Variants in ASPSCR1 observed in about 807,000 individuals in gnomAD.
ASPSCR1 encodes the protein tether containing UBX domain for GLUT4.
Under a neutral mutation model 68.9 loss-of-function variants are expected in ASPSCR1, and 55 were observed. The ratio of observed to expected loss-of-function variants is 0.80; its 90% CI spans 0.64 to 1.00. ASPSCR1 has a LOEUF of 1.00. Ranked by LOEUF, ASPSCR1 falls within the 50% of genes least tolerant of loss-of-function variation. ASPSCR1 has a pLI of 0.00. For synonymous variants in ASPSCR1, 352 were observed against 332.6 expected (o/e 1.06, Z -0.63); for missense variants, 765 against 762.2 (o/e 1.00, Z -0.04).
chr17:82,011,609 C>G lies in ASPSCR1; in HGVS notation c.1300+4C>G. ...CCCGAGCTGTCATTTTACCTGTGTA[C>G]GTTTTTTCTCCTGAGCCCACTCCTG... On this transcript the variant is annotated splice_donor_region_variant and intron_variant, in intron 11 of 15. Transcript: ENST00000306739. 3 of 1,602,032 alleles carry G rather than the reference C, an allele frequency of 1.9e-6. No homozygotes were observed. Among genetic ancestry groups the G allele is most frequent in the Non-Finnish European group, 2.6e-6 (3 of 1,175,792 alleles).
Position 81,987,541 on chromosome 17 carries a change from G to A in ASPSCR1, c.374+1934G>A, listed in dbSNP as rs1281408153. Among the ~76,000 whole-genome samples the A allele has an allele frequency of 6.6e-6, 1 of 152,230 alleles. No homozygotes were observed. The highest frequency in any genetic ancestry group is 2.4e-5 in the African/African-American group (1 of 41,464). ...CTGGCTGTGCTGTCAGTCCTCAGAT[G>A]GGGATGGAGGTAAGGAAATGGCCCA... On this transcript the variant is annotated intron_variant, in intron 4 of 15. Transcript: ENST00000306739. This position sits in a 1 kb window ranked among gnomAD's most constrained non-coding sequence, Gnocchi z 5.6.
Position 81,985,498 on chromosome 17 carries a change from A to G in ASPSCR1, c.274-9A>G, listed in dbSNP as rs772345307. ...CCTAAGGAAGTTTCTCATGTCTTAT[A>G]CCCTCCAGGTTCGCATCGCTTTGCA... On this transcript the variant is annotated splice_polypyrimidine_tract_variant and intron_variant, in intron 3 of 15. Coordinates refer to ENST00000306739, the MANE Select transcript of ASPSCR1 (RefSeq NM_024083.4). 6 of 1,613,370 alleles carry G rather than the reference A, an allele frequency of 3.7e-6. No individual in the cohort carries two copies. The highest frequency in any genetic ancestry group is 1.7e-5 in the Admixed American group (1 of 60,004).
chr17:81,999,479 T>G lies in ASPSCR1; in HGVS notation c.933+2633T>G, dbSNP rs968012967. Among the ~76,000 whole-genome samples the G allele has an allele frequency of 2.0e-5, 3 of 152,016 alleles. No individual in the cohort carries two copies. The highest frequency in any genetic ancestry group is 2.9e-5 in the Non-Finnish European group (2 of 68,008). On this transcript the variant is annotated intron_variant, in intron 7 of 15. Coordinates refer to ENST00000306739, the MANE Select transcript of ASPSCR1 (RefSeq NM_024083.4). The surrounding 1 kb of genome is among the most constrained non-coding windows in gnomAD (Gnocchi z 4.4). ...CTGTCTCTACCAAAAATACAAAAAT[T>G]AGCTGGGTGTGGTGGCAGGTGCCTG...
chr17:82,009,915 CTTT>C (rs36093868), intron 9 of ASPSCR1: 38 of 200,218 alleles, frequency 1.9e-4, no homozygotes, highest in South Asian at 3.4e-4. Flanking sequence ...AGAATGAAAC[CTTT>C]TTTTTTTTTT....
chr17:82,003,321 G>T (rs1411984079), intron 7 of ASPSCR1, among the ~76,000 whole-genome samples: 7 of 152,188 alleles, frequency 4.6e-5, no homozygotes, highest in African/African-American at 1.7e-4. Context: ...GATGGTGTGT[G>T]CCTGTAGCCC....
At chr17:81,984,614 C>T (rs1340558290) in intron 3 of ASPSCR1, among the ~76,000 whole-genome samples, 2 of 151,630 alleles carry the variant, frequency 1.3e-5, no homozygotes, top group East Asian at 3.9e-4. Context: ...CATTTACCAT[C>T]TCATGTGGCT....
chr17:82,005,393 GGGTCGGCA>G (rs1192415690), intron 7 of ASPSCR1: 1 of 152,200 alleles, frequency 6.6e-6, no homozygotes, highest in Non-Finnish European at 1.5e-5. Context: ...TGTGCCCCGT[GGGTCGGCA>G]GGTCTCGTGA....
chr17:81,992,251 G>T (rs1056709565), intron 4 of ASPSCR1, among the ~76,000 whole-genome samples: 2 of 152,214 alleles, frequency 1.3e-5, no homozygotes, highest in Admixed American at 1.3e-4. Context: ...GGGAGGGGGA[G>T]TAGGGGCTGT....
At chr17:82,017,214 C>G (rs1307709343) in intron 15 of ASPSCR1, 95 bp from the exon 16 acceptor site, 37 of 1,589,608 alleles carry the variant, frequency 2.3e-5, no homozygotes, top group Non-Finnish European at 2.8e-5. Context: ...GGTGCTGTGG[C>G]CGGCAGGGCC....
intron 12 of ASPSCR1, chr17:82,013,136 C>A (rs2043005601): frequency 6.6e-6 from 1 of 152,186 alleles, no homozygotes; most frequent in Non-Finnish European, 1.5e-5. Flanking sequence ...TGATCAGGAG[C>A]AGGACTGAGC....
chr17:81,985,040 CCT>C (rs2041939820), intron 3 of ASPSCR1, among the ~76,000 whole-genome samples: 1 of 127,346 alleles, frequency 7.9e-6, no homozygotes, highest in African/African-American at 3.2e-5. Flanking sequence ...CATGCACACA[CCT>C]CCCCCCCACA....
At chr17:82,010,948 A>G in intron 10 of ASPSCR1, 80 bp downstream of exon 10, 2 of 1,524,794 alleles carry the variant, frequency 1.3e-6, no homozygotes, top group African/African-American at 1.4e-5. Context: ...TCCAGGCCAC[A>G]GGACTGCAGC....
Position 82,012,214 on chromosome 17 carries a change from G to T in ASPSCR1, c.1301-17G>T. ...GTCCACGGTGCTTCCTAACACGTAG[G>T]TGCCTTCTCTCCTCAGTCATCACCC... On this transcript the variant is annotated splice_polypyrimidine_tract_variant and intron_variant, in intron 11 of 15. Transcript: ENST00000306739. 1 of 1,612,768 alleles carries T rather than the reference G, an allele frequency of 6.2e-7. No individual in the cohort carries two copies. The highest frequency in any genetic ancestry group is 8.5e-7 in the Non-Finnish European group (1 of 1,179,180).
At position 81,999,445 on chromosome 17, in the gene ASPSCR1, G is replaced by T. The variant is rs1428124616; in HGVS notation, c.933+2599G>T. ...AGTTTGAGACCAGCCTGGACAACAT[G>T]GCAAAACCCTGTCTCTACCAAAAAT... On this transcript the variant is annotated intron_variant, in intron 7 of 15. Coordinates refer to ENST00000306739, the MANE Select transcript of ASPSCR1 (RefSeq NM_024083.4). The surrounding 1 kb of genome is among the most constrained non-coding windows in gnomAD (Gnocchi z 4.4). Among the ~76,000 whole-genome samples, 1 of 152,138 alleles carries T rather than the reference G, an allele frequency of 6.6e-6. No homozygotes were observed. Among genetic ancestry groups the T allele is most frequent in the Non-Finnish European group, 1.5e-5 (1 of 68,018 alleles).
chr17:81,987,438 T>TGGGCCGGGCGGTGCCCCC lies in ASPSCR1; in HGVS notation c.374+1836_374+1853dup, dbSNP rs1356228530. Among the ~76,000 whole-genome samples, 1 of 152,196 alleles carries TGGGCCGGGCGGTGCCCCC rather than the reference T, an allele frequency of 6.6e-6. No individual in the cohort carries two copies. Among genetic ancestry groups the TGGGCCGGGCGGTGCCCCC allele is most frequent in the Admixed American group, 6.5e-5 (1 of 15,286 alleles). On this transcript the variant is annotated intron_variant, in intron 4 of 15. Transcript: ENST00000306739. The surrounding 1 kb of genome is among the most constrained non-coding windows in gnomAD (Gnocchi z 5.6). The stretch of plus-strand genomic sequence containing the variant: ...ATGAACGTCTGGAAGGAAATGCCCC[T>TGGGCCGGGCGGTGCCCCC]GGGCCGGGCGGTGCCCCCGGGCGTG...
At chr17:81,993,738 G>A (rs1011176120) in intron 4 of ASPSCR1, among the ~76,000 whole-genome samples, 1 of 152,266 alleles carries the variant, frequency 6.6e-6, no homozygotes, top group African/African-American at 2.4e-5. Context: ...GAGGGTTGCT[G>A]CAAGCAGTTT....
At chr17:82,015,409 G>C in intron 12 of ASPSCR1, 1 of 1,548,466 alleles carries the variant, frequency 6.5e-7, no homozygotes, top group Non-Finnish European at 8.7e-7. Context: ...AGGGAGCCCA[G>C]GTGCCCCAGG....
rs1044827758 is a variant in ASPSCR1 at position 81,980,702 on chromosome 17, C to T, written c.158+1463C>T. Among the ~76,000 whole-genome samples the T allele has an allele frequency of 3.9e-5, 6 of 152,278 alleles. No homozygotes were observed. In the East Asian group the frequency reaches 5.8e-4, roughly 15 times the overall value. ...GGAAGAATAAGACAGGGATTTACAC[C>T]GAATGGGGTGGCTGATACAGACGTA... On this transcript the variant is annotated intron_variant, in intron 2 of 15. Coordinates refer to ENST00000306739, the MANE Select transcript of ASPSCR1 (RefSeq NM_024083.4).
chr17:82,008,878 C>T (rs1273276831), intron 7 of ASPSCR1, 159 bp from the exon 8 acceptor site: 2 of 1,038,130 alleles, frequency 1.9e-6, no homozygotes, highest in Non-Finnish European at 2.6e-6. Flanking sequence ...CCCAGCCCTG[C>T]CCCCAGGACC....
Sources: allele counts gnomAD v4.1 joint callset (sites outside exome capture counted in the v4.1 genomes callset), GRCh38; gene constraint gnomAD v4.1.1; non-coding constraint Gnocchi (gnomAD v3.1); transcripts MANE v1.5; gene names NCBI Gene and HGNC (gene_info 2026-07-23, HGNC 2026-07-21).